The following STK32A variants were observed in gnomAD, a reference collection of about 807,000 sequenced individuals.
The protein encoded by STK32A is serine/threonine kinase 32A.
In STK32A, 41 loss-of-function variants were observed where a neutral mutation model predicts 53.2. That is an observed-to-expected ratio of 0.77 (90% CI 0.60 to 1.00). The LOEUF (loss-of-function observed/expected upper bound fraction) is 1.00, where lower values mean the gene tolerates loss of function less well. Ranked by LOEUF, STK32A falls within the 50% of genes least tolerant of loss-of-function variation. STK32A has a pLI of 0.00. For missense variants in STK32A, 458 were observed against 485.8 expected, an observed-to-expected ratio of 0.94 and a Z score of 0.54; for synonymous variants, 166 against 162.8, an observed-to-expected ratio of 1.02 and a Z score of -0.15.
At chr5:147,397,981 G>A in the STK32A span, 75 of 848,230 alleles carry the variant, frequency 8.8e-5, no homozygotes, top group Admixed American at 2.8e-4. Context: ...GCATCTGCAA[G>A]CATCCAGTGG....
At chr5:147,334,452 C>A (rs1208048500) in intron 5 of STK32A, among the ~76,000 whole-genome samples, 1 of 152,076 alleles carries the variant, frequency 6.6e-6, no homozygotes, top group East Asian at 1.9e-4. Flanking sequence ...TGTGTTTGTG[C>A]CATTTTTAAG....
intron 4 of STK32A, among the ~76,000 whole-genome samples, chr5:147,305,729 T>C (rs4705036): frequency 0.17 from 25,710 of 151,888 alleles, 2,249 homozygotes; most frequent in Middle Eastern, 0.23. Flanking sequence ...ATTTCTGTAT[T>C]GTATTCCATT....
At position 147,329,277 on chromosome 5, in the gene STK32A, A is replaced by C. The variant is rs529875305; in HGVS notation, c.434+5206A>C. Among the ~76,000 whole-genome samples the C allele has an allele frequency of 2.6e-5, 4 of 152,300 alleles. No individual in the cohort carries two copies. The South Asian group carries it at 8.3e-4, about 32-fold the overall frequency. On this transcript the variant is annotated intron_variant, in intron 5 of 12. Coordinates refer to ENST00000397936, the MANE Select transcript of STK32A (RefSeq NM_001112724.2). ...ACTGTATAAGATGCAGATAGAAATT[A>C]TTTCTCACACATGACCTCTTGGGCT...
chr5:147,344,922 C>T (rs1481545252), intron 6 of STK32A, among the ~76,000 whole-genome samples: 1 of 152,178 alleles, frequency 6.6e-6, no homozygotes, highest in African/African-American at 2.4e-5. Context: ...ATGGCTTCAC[C>T]CTACTTCTAT....
chr5:147,253,184 T>C (rs575665983), intron 2 of STK32A, among the ~76,000 whole-genome samples: 2 of 152,314 alleles, frequency 1.3e-5, no homozygotes, highest in African/African-American at 2.4e-5. Flanking sequence ...ATTTTGTAAC[T>C]TTTGATAATC....
intron 2 of STK32A, among the ~76,000 whole-genome samples, chr5:147,246,723 G>GA (rs1753778354): frequency 6.6e-6 from 1 of 152,212 alleles, no homozygotes; most frequent in South Asian, 2.1e-4. Context: ...TGATTTATAT[G>GA]AAAAAATGTA....
chr5:147,395,359 T>C, the STK32A span, among the ~76,000 whole-genome samples: 81 of 152,288 alleles, frequency 5.3e-4, no homozygotes, highest in African/African-American at 1.9e-3. Flanking sequence ...CCTGACTGCC[T>C]TGTCTTACTT....
At chr5:147,332,396 C>T (rs1270598583) in intron 5 of STK32A, among the ~76,000 whole-genome samples, 1 of 149,338 alleles carries the variant, frequency 6.7e-6, no homozygotes, top group African/African-American at 2.5e-5. Context: ...TGTTGTTTTG[C>T]TTTTATATAT....
intron 5 of STK32A, among the ~76,000 whole-genome samples, chr5:147,335,429 T>A (rs1008570633): frequency 9.9e-5 from 15 of 152,166 alleles, no homozygotes; most frequent in African/African-American, 3.6e-4. Flanking sequence ...ACCAACTAGC[T>A]GGTTTCTTTC....
intron 4 of STK32A, among the ~76,000 whole-genome samples, chr5:147,300,520 T>G (rs1444289415): frequency 1.3e-5 from 2 of 152,248 alleles, no homozygotes; most frequent in Non-Finnish European, 2.9e-5. Flanking sequence ...CAACAGTGCC[T>G]ACCGCACAGT....
chr5:147,301,350 G>T (rs56070750), intron 4 of STK32A, among the ~76,000 whole-genome samples: 21,535 of 151,832 alleles, frequency 0.14, 1,705 homozygotes, highest in Non-Finnish European at 0.16. Flanking sequence ...GCTTTTCAGG[G>T]TTATTCCTGT....
intron 7 of STK32A, among the ~76,000 whole-genome samples, chr5:147,359,322 C>T (rs895028050): frequency 1.3e-5 from 2 of 152,030 alleles, no homozygotes; most frequent in African/African-American, 4.8e-5. Flanking sequence ...TGCTTCAGTG[C>T]CTTGCATACC....
At chr5:147,394,693 A>C in the STK32A span, among the ~76,000 whole-genome samples, 1 of 150,546 alleles carries the variant, frequency 6.6e-6, no homozygotes, top group African/African-American at 2.4e-5. Context: ...AAAAAAAAAA[A>C]GGCAAAAACT....
rs1753878941 is a variant in STK32A at position 147,314,513 on chromosome 5, AAAACAAAAAAAAAC to A, written c.261-9381_261-9368del. ...AACTCCATATCAAAAAAAACAAAAA[AAAACAAAAAAAAAC>A]AAAAAAAAAAAAAGAACAAAGATTT... is the stretch of plus-strand genomic sequence containing the variant. On this transcript the variant is annotated intron_variant, in intron 4 of 12. Transcript: ENST00000397936. Among the ~76,000 whole-genome samples, 10 of 9,466 alleles carry A rather than the reference AAAACAAAAAAAAAC, an allele frequency of 1.1e-3. 1 individual carries two copies. The highest frequency in any genetic ancestry group is 3.0e-3 in the African/African-American group (9 of 3,032). 6.2% of individuals were successfully genotyped at this position (9,466 alleles called of 152,430 possible). A position where few individuals can be genotyped will look rare whatever the true frequency, so the allele number is the denominator to read the frequency against.
intron 5 of STK32A, among the ~76,000 whole-genome samples, chr5:147,341,186 C>A (rs1201555260): frequency 1.3e-5 from 2 of 152,198 alleles, no homozygotes; most frequent in African/African-American, 4.8e-5. Flanking sequence ...TAGGGCTCCT[C>A]TGGGCCTCTT....
downstream of STK32A, among the ~76,000 whole-genome samples, chr5:147,388,214 G>A (rs533951838): frequency 3.2e-4 from 49 of 152,058 alleles, no homozygotes; most frequent in Non-Finnish European, 5.0e-4. Context: ...CTCAACATCC[G>A]TGCCCCATTC....
At chr5:147,252,188 T>A (rs546833805) in intron 2 of STK32A, among the ~76,000 whole-genome samples, 2 of 152,340 alleles carry the variant, frequency 1.3e-5, no homozygotes, top group Admixed American at 6.5e-5. Flanking sequence ...ATTGTCATCA[T>A]CATTGTCACT....
At chr5:147,383,547 C>A in intron 12 of STK32A, 42 bp downstream of exon 12, 1 of 1,440,440 alleles carries the variant, frequency 6.9e-7, no homozygotes, top group South Asian at 1.3e-5. Flanking sequence ...GAAATGGTGG[C>A]ATGTTTCAGC....
Position 147,278,127 on chromosome 5 carries a change from A to G in STK32A, c.56A>G (p.Asn19Ser), listed in dbSNP as rs1308200801. ...ATTCTTCTTTTTTGTTTTACAGTCA[A>G]CTTTGACCACTTTGAAATTTTGCGA... ...PPVFDENEDV[N>S]FDHFEILRAI... Residue 19 changes from asparagine (N) to serine (S), a missense_variant, in exon 3 of 13, where the codon AAC becomes AGC. Transcript: ENST00000397936. 3 of 1,592,570 alleles carry G rather than the reference A, an allele frequency of 1.9e-6. No individual in the cohort carries two copies. The highest frequency in any genetic ancestry group is 2.6e-6 in the Non-Finnish European group (3 of 1,168,566).
Sources: gnomAD v4.1 joint callset for allele counts (sites outside exome capture counted in the v4.1 genomes callset) on GRCh38, gnomAD v4.1.1 for gene constraint, MANE v1.5 for transcripts, NCBI Gene and HGNC (gene_info 2026-07-23, HGNC 2026-07-21) for gene names.